FUBP1: variants seen among roughly 807,000 people sequenced by gnomAD.
FUBP1 encodes the protein far upstream element binding protein 1.
In FUBP1, 16 loss-of-function variants were observed where a neutral mutation model predicts 94.9. That is an observed-to-expected ratio of 0.17 (90% CI 0.11 to 0.26). The LOEUF (loss-of-function observed/expected upper bound fraction) is 0.26. FUBP1 is among the 10% of genes least tolerant of loss of function. The pLI is 1.00. For missense variants in FUBP1, 583 were observed against 808.6 expected, an observed-to-expected ratio of 0.72 and a Z score of 3.38; for synonymous variants, 279 against 254.9, an observed-to-expected ratio of 1.09 and a Z score of -0.90.
At chr1:77,969,522 G>A (rs756770573) in intron 2 of FUBP1, among the ~76,000 whole-genome samples, 4 of 151,862 alleles carry the variant, frequency 2.6e-5, no homozygotes, top group Non-Finnish European at 5.9e-5. Flanking sequence ...AACCTTTAAG[G>A]TGCAATTGGA....
At chr1:77,973,370 C>T (rs1197184565) in intron 1 of FUBP1, among the ~76,000 whole-genome samples, 1 of 152,028 alleles carries the variant, frequency 6.6e-6, no homozygotes, top group Non-Finnish European at 1.5e-5. Flanking sequence ...CTCAGCCTCT[C>T]GAGTAGCTGG....
At chr1:77,963,007 T>A (rs1294797491) in intron 13 of FUBP1, 77 bp from the exon 14 acceptor site, 7 of 871,594 alleles carry the variant, frequency 8.0e-6, no homozygotes, top group Middle Eastern at 2.4e-4. Flanking sequence ...ATGGTCACAA[T>A]TAAATGGGCC....
chr1:77,950,055 G>A (rs888344495), intron 18 of FUBP1, among the ~76,000 whole-genome samples: 63 of 152,170 alleles, frequency 4.1e-4, no homozygotes, highest in African/African-American at 1.3e-3. Context: ...GAAATGCAAC[G>A]CATGAATCTT....
In FUBP1 at chr1:77,955,265, G is replaced by A. The variant is rs1654237229; in HGVS notation, c.1770C>T (p.Tyr590=). ...ATGTATAAAACATACCCATTTTCTT[G>A]TAGTACTCTTCCCAAGCCTTGGTAT... The part of the protein sequence containing the change: ...VDYTKAWEEY[Y]KKMGQAVPAP... Residue 590 remains tyrosine (Y), a synonymous_variant, in exon 18 of 20, where the codon TAC becomes TAT. Transcript: ENST00000370768. The A allele has an allele frequency of 1.4e-6, 2 of 1,402,216 alleles. No individual in the cohort carries two copies. Among genetic ancestry groups the A allele is most frequent in the East Asian group, 2.3e-5 (1 of 43,880 alleles). The allele number at this position is 1,402,216 out of a possible 1,614,324, so 86.9% of individuals were successfully genotyped here. A position where few individuals can be genotyped will look rare whatever the true frequency, so the allele number is the denominator to read the frequency against.
chr1:77,951,409 A>G (rs1478813211), intron 18 of FUBP1, among the ~76,000 whole-genome samples: 4 of 152,252 alleles, frequency 2.6e-5, no homozygotes, highest in African/African-American at 4.8e-5. Context: ...ATGTTCAAGA[A>G]AAGCTTATTT....
intron 18 of FUBP1, among the ~76,000 whole-genome samples, chr1:77,950,833 T>C (rs1368287833): frequency 6.6e-6 from 1 of 152,148 alleles, no homozygotes; most frequent in African/African-American, 2.4e-5. Context: ...TCTATCACCA[T>C]TGTAAAACAG....
At chr1:77,978,746 TG>T (rs1244443695) in intron 1 of FUBP1, 138 bp downstream of exon 1, 28 of 1,084,470 alleles carry the variant, frequency 2.6e-5, no homozygotes, top group Non-Finnish European at 3.8e-5. Context: ...ATTACCAACA[TG>T]GGGAAACGTG....
chr1:77,949,511 G>A (rs534382522), intron 18 of FUBP1, among the ~76,000 whole-genome samples: 32 of 151,546 alleles, frequency 2.1e-4, no homozygotes, highest in South Asian at 1.7e-3. Context: ...AAGCACAGAG[G>A]GTCAGAATTA....
At chr1:77,975,667 A>T (rs907522632) in intron 1 of FUBP1, among the ~76,000 whole-genome samples, 10 of 152,192 alleles carry the variant, frequency 6.6e-5, no homozygotes, top group Non-Finnish European at 1.2e-4. Context: ...TTAATTTTCC[A>T]ATGTTCTAGA....
chr1:77,960,692 C>T (rs1655293473), intron 14 of FUBP1, 197 bp from the exon 15 acceptor site: 3 of 479,528 alleles, frequency 6.3e-6, no homozygotes, highest in Non-Finnish European at 7.4e-6. Flanking sequence ...TCACTAAAAT[C>T]AATAGCAGTA....
rs374670495 is a variant in FUBP1, at chr1:77,960,239, G to T, written c.1521C>A (p.Pro507=). The T allele has an allele frequency of 1.2e-6, 2 of 1,612,668 alleles. No homozygotes were observed. The highest frequency in any genetic ancestry group is 1.7e-6 in the Non-Finnish European group (2 of 1,179,260). The part of the protein sequence containing the change: ...APHGPPAPYA[P]QGWGNAYPHW... ...GTGGATATGCATTTCCCCATCCCTG[G>T]GGAGCATATGGGGCTGGAGGACCAC... The change falls in exon 16 of 20, where the codon CCC becomes CCA. Residue 507 remains proline, a synonymous_variant. Coordinates refer to ENST00000370768, the MANE Select transcript of FUBP1 (RefSeq NM_003902.5).
chr1:77,959,080 TC>T (rs1210124678), intron 16 of FUBP1, among the ~76,000 whole-genome samples: 1 of 152,212 alleles, frequency 6.6e-6, no homozygotes, highest in Non-Finnish European at 1.5e-5. Flanking sequence ...ACAGCACACT[TC>T]CTATGAAGTT....
chr1:77,946,765 C>G lies in FUBP1; in HGVS notation c.*2001G>C. 4.8e-6 allele frequency: 1 copy of G among 206,678 alleles called. No homozygotes were observed. Among genetic ancestry groups the G allele is most frequent in the Non-Finnish European group, 9.9e-6 (1 of 101,006 alleles). 12.8% of individuals were successfully genotyped at this position (206,678 alleles called of 1,614,324 possible). On this transcript the variant is annotated 3_prime_UTR_variant, in exon 20 of 20. Coordinates refer to ENST00000370768, the MANE Select transcript of FUBP1 (RefSeq NM_003902.5). ...TAAAACAGTATCATGCAAAATACTG[C>G]AATTGTTCACGTCAATACCCTACTC...
At chr1:77,960,304 G>T (rs201588472) in intron 15 of FUBP1, 40 bp downstream of exon 15, 18 of 1,611,982 alleles carry the variant, frequency 1.1e-5, no homozygotes, top group Non-Finnish European at 1.5e-5. Flanking sequence ...CCCAAAACTA[G>T]AATCTTTGGG....
intron 18 of FUBP1, among the ~76,000 whole-genome samples, chr1:77,954,478 T>C (rs552809680): frequency 1.9e-4 from 29 of 152,332 alleles, no homozygotes; most frequent in Non-Finnish European, 3.1e-4. Flanking sequence ...AACAACTTTA[T>C]CATCAGGTAT....
intron 18 of FUBP1, among the ~76,000 whole-genome samples, chr1:77,955,043 G>A (rs777882384): frequency 2.3e-4 from 35 of 151,964 alleles, no homozygotes; most frequent in Admixed American, 3.9e-4. Context: ...TACCAGTAAG[G>A]ACATTTCTAG....
chr1:77,972,994 CA>C (rs1223031980), intron 1 of FUBP1, among the ~76,000 whole-genome samples: 1 of 146,116 alleles, frequency 6.8e-6, no homozygotes, highest in African/African-American at 2.5e-5. Flanking sequence ...AACGCTAATA[CA>C]GCAAGACTCC....
In FUBP1 at chr1:77,946,331, T is replaced by TA. The variant is rs1652159567; in HGVS notation, c.*2434dup. On this transcript the variant is annotated 3_prime_UTR_variant, in exon 20 of 20. Transcript: ENST00000370768. Reference sequence around the variant, plus strand: ...TCTTAATAAAAAAAAAAAAGTAAAATAAAAAACATTACCCAGAAATGTAAA... The same window carrying TA: ...TCTTAATAAAAAAAAAAAAGTAAAATAAAAAAACATTACCCAGAAATGTAAA... 6.7e-6 allele frequency among the ~76,000 whole-genome samples: 1 copy of TA among 149,644 alleles called. No individual in the cohort carries two copies. The highest frequency in any genetic ancestry group is 2.1e-4 in the South Asian group (1 of 4,770).
chr1:77,949,214 C>A lies in FUBP1; in HGVS notation c.1867G>T (p.Ala623Ser). Reference sequence around the variant, plus strand: ...GGACTTGTCTGGGCATAATAGGCTGCTTGTTGTCTATAATACTCAGCCCAG... The same window carrying A: ...GGACTTGTCTGGGCATAATAGGCTGATTGTTGTCTATAATACTCAGCCCAG... The part of the protein sequence containing the change: ...AAWAEYYRQQ[A>S]AYYAQTSPQG... Residue 623 changes from alanine to serine, a missense_variant, in exon 19 of 20, where the codon GCA (alanine) becomes TCA (serine). Physicochemically the swap from Ala to Ser is moderately conservative, Grantham distance 99. Transcript: ENST00000370768. 1.2e-6 allele frequency: 2 copies of A among 1,613,424 alleles called. No individual in the cohort carries two copies. Among genetic ancestry groups the A allele is most frequent in the Non-Finnish European group, 1.7e-6 (2 of 1,179,438 alleles).
Sources: gnomAD v4.1 joint callset for allele counts (sites outside exome capture counted in the v4.1 genomes callset) on GRCh38, gnomAD v4.1.1 for gene constraint, MANE v1.5 for transcripts, NCBI Gene and HGNC (gene_info 2026-07-23, HGNC 2026-07-21) for gene names.